Variants in ARHGEF10 observed in about 807,000 individuals in gnomAD.
ARHGEF10 encodes the protein Rho guanine nucleotide exchange factor 10, also known as Rho guanine nucleotide exchange factor (GEF) 10.
A neutral mutation model predicts 147.4 loss-of-function variants in ARHGEF10; 140 were observed. That is an observed-to-expected ratio of 0.95 (90% CI 0.83 to 1.09). The LOEUF is 1.09. ARHGEF10 is among the 50% of genes least tolerant of loss of function. ARHGEF10 has a pLI of 0.00. For missense variants in ARHGEF10, 2,222 were observed against 1,752.7 expected (o/e 1.27, Z -4.78); for synonymous variants, 902 against 695.8 (o/e 1.30, Z -4.67).
chr8:1,914,322 G>A (rs2129192301), intron 18 of ARHGEF10, among the ~76,000 whole-genome samples: 1 of 152,308 alleles, frequency 6.6e-6, no homozygotes, highest in Admixed American at 6.5e-5. Flanking sequence ...GGCACGGAGG[G>A]GTCTGAGCAG....
intron 5 of ARHGEF10, 72 bp from the exon 6 acceptor site, chr8:1,866,454 G>A: frequency 8.0e-7 from 1 of 1,242,662 alleles, no homozygotes; most frequent in East Asian, 2.3e-5. Flanking sequence ...CACACACTCT[G>A]CAGGGCAGTT....
chr8:1,951,316 G>C (rs958398412), intron 27 of ARHGEF10, among the ~76,000 whole-genome samples: 3 of 152,224 alleles, frequency 2.0e-5, no homozygotes, highest in African/African-American at 4.8e-5. Context: ...TTTCTCATTA[G>C]CTTTAGAAAG....
rs532230256 is a variant in ARHGEF10 at position 1,936,800 on chromosome 8, T to C, written c.3222+2858T>C. 1.5e-4 allele frequency among the ~76,000 whole-genome samples: 23 copies of C among 152,338 alleles called. No individual in the cohort carries two copies. The East Asian group carries it at 4.2e-3, about 28-fold the overall frequency. ...GACCGGTTTCAGGATGTGCCTAGGC[T>C]GCATCCTCTGTCATCTCAGAGGGAA... On this transcript the variant is annotated intron_variant, in intron 26 of 28. Coordinates refer to ENST00000349830, the MANE Select transcript of ARHGEF10 (RefSeq NM_014629.4).
Position 1,956,904 on chromosome 8 carries a change from G to T in ARHGEF10, c.3676G>T (p.Gly1226Ter), listed in dbSNP as rs1159536416. ...AGACCAGAAGGACGCACTTCCGAGT[G>T]GAGGAGCTGGTTCATCTCTGAGCCA... ...DEDQKDALPS[G>*]GAGSSLSQGD... Residue 1226 changes from glycine to a stop codon, truncating the protein, a stop_gained, in exon 29 of 29, where the codon GGA (glycine) becomes TGA (stop). Coordinates refer to ENST00000349830, the MANE Select transcript of ARHGEF10 (RefSeq NM_014629.4). LOFTEE classifies it low-confidence loss of function (END_TRUNC). The T allele has an allele frequency of 1.2e-6, 2 of 1,614,162 alleles. No homozygotes were observed. The highest frequency in any genetic ancestry group is 1.7e-6 in the Non-Finnish European group (2 of 1,180,028).
chr8:1,956,320 C>A (rs1421043959), intron 28 of ARHGEF10, among the ~76,000 whole-genome samples: 3 of 152,150 alleles, frequency 2.0e-5, no homozygotes, highest in African/African-American at 4.8e-5. Flanking sequence ...TGGCAGGCAG[C>A]CGGTAGTTTA....
chr8:1,906,012 G>C (rs1056119601), intron 17 of ARHGEF10, among the ~76,000 whole-genome samples: 3 of 152,272 alleles, frequency 2.0e-5, no homozygotes, highest in Admixed American at 1.3e-4. Context: ...CCTAAATCAA[G>C]AGTTCTTTTT....
chr8:1,868,430 TTTATG>T (rs1194267771), intron 6 of ARHGEF10, among the ~76,000 whole-genome samples: 4 of 152,250 alleles, frequency 2.6e-5, no homozygotes, highest in African/African-American at 9.6e-5. Flanking sequence ...TAAAGGTCTT[TTTATG>T]AAACGGATTT....
rs550626130 is a variant in ARHGEF10 at position 1,948,239 on chromosome 8, T to C, written c.3397+2584T>C. On this transcript the variant is annotated intron_variant, in intron 27 of 28. Coordinates refer to ENST00000349830, the MANE Select transcript of ARHGEF10 (RefSeq NM_014629.4). The surrounding 1 kb of genome is among the most constrained non-coding windows in gnomAD (Gnocchi z 4.9). ...TCCAACATCCTGGGCTGGCTCTCCA[T>C]GGCCACAGTGCGTGCTCTCAGCCCC... is the stretch of plus-strand genomic sequence containing the variant. Among the ~76,000 whole-genome samples the C allele has an allele frequency of 6.6e-6, 1 of 152,144 alleles. No homozygotes were observed. The highest frequency in any genetic ancestry group is 1.5e-5 in the Non-Finnish European group (1 of 68,000).
At chr8:1,859,574 A>G (rs1425800192) in intron 3 of ARHGEF10, among the ~76,000 whole-genome samples, 2 of 146,824 alleles carry the variant, frequency 1.4e-5, no homozygotes, top group African/African-American at 2.5e-5. Context: ...CTCAGCTTGC[A>G]TGGTGTTTCT....
At chr8:1,887,077 C>G (rs1011228063) in intron 11 of ARHGEF10, among the ~76,000 whole-genome samples, 14 of 152,344 alleles carry the variant, frequency 9.2e-5, no homozygotes, top group African/African-American at 3.1e-4. Flanking sequence ...AATAGGATGA[C>G]ACGCTGGCCA....
rs965275134 is a variant in ARHGEF10 at position 1,937,760 on chromosome 8, G to A, written c.3222+3818G>A. Among the ~76,000 whole-genome samples the A allele has an allele frequency of 6.6e-6, 1 of 152,326 alleles. No individual in the cohort carries two copies. On this transcript the variant is annotated intron_variant, in intron 26 of 28. Coordinates refer to ENST00000349830, the MANE Select transcript of ARHGEF10 (RefSeq NM_014629.4). The surrounding 1 kb of genome is among the most constrained non-coding windows in gnomAD (Gnocchi z 4.9). ...GAGGGCAGCAGCTGCGGGGGGATCC[G>A]TCCCGAATGGCCATATGCTGTCAGA...
At chr8:1,864,112 C>T (rs549672100) in intron 4 of ARHGEF10, among the ~76,000 whole-genome samples, 196 of 152,262 alleles carry the variant, frequency 1.3e-3, no homozygotes, top group Non-Finnish European at 2.1e-3. Context: ...CTTTCTAACT[C>T]TAGCCTGATG....
At chr8:1,857,660 T>C (rs1235601694) in intron 2 of ARHGEF10, among the ~76,000 whole-genome samples, 4 of 152,098 alleles carry the variant, frequency 2.6e-5, no homozygotes, top group African/African-American at 7.2e-5. Flanking sequence ...CCTTGTGATC[T>C]GCCCACCTTG....
At chr8:1,831,721 C>T (rs1448266145) in intron 1 of ARHGEF10, among the ~76,000 whole-genome samples, 1 of 152,228 alleles carries the variant, frequency 6.6e-6, no homozygotes. Context: ...TGCTGCGGCT[C>T]ATGTACTGCT....
At chr8:1,830,472 A>G (rs1359761472) in intron 1 of ARHGEF10, among the ~76,000 whole-genome samples, 2 of 152,170 alleles carry the variant, frequency 1.3e-5, no homozygotes, top group South Asian at 2.1e-4. Flanking sequence ...TCAAGTTTTT[A>G]TACTTGATTT....
chr8:1,951,913 T>G (rs79005061), intron 27 of ARHGEF10, among the ~76,000 whole-genome samples: 2 of 4,042 alleles, frequency 4.9e-4, no homozygotes, highest in Non-Finnish European at 6.5e-4. Context: ...GGGGTCTTCC[T>G]TGTAGCCACC....
intron 12 of ARHGEF10, 32 bp downstream of exon 12, chr8:1,893,678 A>T (rs775779755): frequency 9.2e-6 from 13 of 1,405,788 alleles, no homozygotes; most frequent in Non-Finnish European, 1.3e-5. Context: ...TAATACATAC[A>T]TTTCTATTAT....
intron 21 of ARHGEF10, 32 bp downstream of exon 21, chr8:1,923,906 C>G: frequency 6.3e-7 from 1 of 1,597,954 alleles, no homozygotes; most frequent in Non-Finnish European, 8.6e-7. Flanking sequence ...CTGAATGAGG[C>G]ATGCGGCGTG....
chr8:1,878,575 A>G (rs1807905615), intron 8 of ARHGEF10, among the ~76,000 whole-genome samples: 1 of 152,190 alleles, frequency 6.6e-6, no homozygotes, highest in African/African-American at 2.4e-5. Context: ...AGATTTAAGA[A>G]GAGTGCTGGG....
Sources: gnomAD v4.1 joint callset for allele counts (sites outside exome capture counted in the v4.1 genomes callset) on GRCh38, gnomAD v4.1.1 for gene constraint, Gnocchi (gnomAD v3.1) non-coding constraint, MANE v1.5 for transcripts, NCBI Gene and HGNC (gene_info 2026-07-23, HGNC 2026-07-21) for gene names.